ATP6V1E2: variants seen among roughly 807,000 people sequenced by gnomAD.
ATP6V1E2 encodes the protein V-type proton ATPase subunit E 2.
For synonymous variants in ATP6V1E2, 121 were observed against 104.2 expected, an observed-to-expected ratio of 1.16 and a Z score of -0.98; for missense variants, 308 against 273.3, an observed-to-expected ratio of 1.13 and a Z score of -0.90.
intron 2 of ATP6V1E2, among the ~76,000 whole-genome samples, chr2:46,540,912 G>A (rs1445820206): frequency 6.6e-6 from 1 of 152,158 alleles, no homozygotes; most frequent in East Asian, 1.9e-4. Flanking sequence ...TCCCCACTGG[G>A]AATGCTATGA....
At chr2:46,538,579 G>C (rs1558672112) in intron 2 of ATP6V1E2, among the ~76,000 whole-genome samples, 1 of 151,924 alleles carries the variant, frequency 6.6e-6, no homozygotes, top group Non-Finnish European at 1.5e-5. Context: ...ATGCAAATTA[G>C]TAACTCACAG....
intron 4 of ATP6V1E2, among the ~76,000 whole-genome samples, chr2:46,524,257 G>C (rs1388376121): frequency 6.6e-6 from 1 of 152,102 alleles, no homozygotes; most frequent in African/African-American, 2.4e-5. Context: ...ACCAGGTAGG[G>C]GATGGTTTGA....
At chr2:46,540,360 G>T (rs1209661174) in intron 2 of ATP6V1E2, among the ~76,000 whole-genome samples, 1 of 150,962 alleles carries the variant, frequency 6.6e-6, no homozygotes, top group Non-Finnish European at 1.5e-5. Context: ...GGCAGAGGTT[G>T]CAGTGAGCCA....
Position 46,511,907 on chromosome 2 carries a change from T to G in ATP6V1E2, c.*124A>C. ...ACACTTTAGCTATCCAAAGGGTATT[T>G]CGTGAAGAAAAACAGAACAGTATCA... On this transcript the variant is annotated 3_prime_UTR_variant, in exon 5 of 5. Coordinates refer to ENST00000522587, the MANE Select transcript of ATP6V1E2 (RefSeq NM_001318063.2). The G allele has an allele frequency of 1.2e-6, 1 of 848,606 alleles. No individual in the cohort carries two copies. Among genetic ancestry groups the G allele is most frequent in the Non-Finnish European group, 1.7e-6 (1 of 572,446 alleles). The allele number at this position is 848,606 out of a possible 1,614,324, so 52.6% of individuals were successfully genotyped here.
rs1044069599 is a variant in ATP6V1E2 at position 46,535,131 on chromosome 2, T to C, written c.-102+682A>G. The C allele has an allele frequency of 2.0e-5, 3 of 152,248 alleles. No homozygotes were observed. The highest frequency in any genetic ancestry group is 2.1e-4 in the South Asian group (1 of 4,834). 9.4% of individuals were successfully genotyped at this position (152,248 alleles called of 1,614,324 possible). A position where few individuals can be genotyped will look rare whatever the true frequency, so the allele number is the denominator to read the frequency against. On this transcript the variant is annotated intron_variant, in intron 4 of 4. Transcript: ENST00000522587. This position sits in a 1 kb window ranked among gnomAD's most constrained non-coding sequence, Gnocchi z 4.4. Reference sequence around the variant, plus strand: ...ATTTTTCAGCAGAAAGTTAGAGTGATAGGGTTTGCCCCATTTGTTCCCTAC... The same window carrying C: ...ATTTTTCAGCAGAAAGTTAGAGTGACAGGGTTTGCCCCATTTGTTCCCTAC...
intron 4 of ATP6V1E2, among the ~76,000 whole-genome samples, chr2:46,532,769 T>G (rs1485767713): frequency 6.6e-6 from 1 of 152,190 alleles, no homozygotes; most frequent in Non-Finnish European, 1.5e-5. Flanking sequence ...ATGCCAAATC[T>G]GCTGATTCCT....
At chr2:46,539,646 A>T (rs1467352899) in intron 2 of ATP6V1E2, among the ~76,000 whole-genome samples, 1 of 152,220 alleles carries the variant, frequency 6.6e-6, no homozygotes, top group Non-Finnish European at 1.5e-5. Flanking sequence ...TCCCAATTAA[A>T]TACAAACCAG....
At chr2:46,512,939 C>T in intron 4 of ATP6V1E2, 127 bp from the exon 5 acceptor site, 1 of 496,482 alleles carries the variant, frequency 2.0e-6, no homozygotes, top group Non-Finnish European at 3.6e-6. Flanking sequence ...CACAATTTAT[C>T]TAAGGTTATA....
At chr2:46,525,696 A>G (rs1381317715) in intron 4 of ATP6V1E2, among the ~76,000 whole-genome samples, 2 of 152,178 alleles carry the variant, frequency 1.3e-5, no homozygotes, top group African/African-American at 2.4e-5. Flanking sequence ...CTGGCAAAGC[A>G]GGCTTTGGTC....
chr2:46,516,788 G>A (rs1296136013), intron 4 of ATP6V1E2, among the ~76,000 whole-genome samples: 1 of 150,848 alleles, frequency 6.6e-6, no homozygotes, highest in African/African-American at 2.4e-5. Flanking sequence ...CAAGGAACTA[G>A]AATACTTGTT....
intron 4 of ATP6V1E2, among the ~76,000 whole-genome samples, chr2:46,528,593 A>T (rs975699596): frequency 1.3e-5 from 2 of 152,230 alleles, no homozygotes; most frequent in Non-Finnish European, 2.9e-5. Context: ...CCCCTGGAAC[A>T]GGAGGTCTCC....
At chr2:46,534,449 GTTTTA>G (rs1435212095) in intron 4 of ATP6V1E2, 2 of 151,878 alleles carry the variant, frequency 1.3e-5, no homozygotes, top group Admixed American at 6.6e-5. Context: ...TTAAATCCTT[GTTTTA>G]TTTTAATTTT....
chr2:46,518,666 T>C (rs1266755540), intron 4 of ATP6V1E2, among the ~76,000 whole-genome samples: 1 of 152,038 alleles, frequency 6.6e-6, no homozygotes, highest in Non-Finnish European at 1.5e-5. Context: ...GGCCATCCAC[T>C]CCTCATTACT....
At chr2:46,524,890 T>C (rs1182562223) in intron 4 of ATP6V1E2, among the ~76,000 whole-genome samples, 2 of 152,024 alleles carry the variant, frequency 1.3e-5, no homozygotes, top group African/African-American at 4.8e-5. Flanking sequence ...AATGTCTGCC[T>C]GAGAGTTGGG....
chr2:46,533,105 CATTAT>C (rs990101673), intron 4 of ATP6V1E2, among the ~76,000 whole-genome samples: 3 of 131,244 alleles, frequency 2.3e-5, no homozygotes, highest in Non-Finnish European at 5.0e-5. Context: ...ATATATCTAA[CATTAT>C]ATTATATATC....
At chr2:46,538,031 A>C (rs2103944455) in intron 2 of ATP6V1E2, among the ~76,000 whole-genome samples, 1 of 152,166 alleles carries the variant, frequency 6.6e-6, no homozygotes, top group South Asian at 2.1e-4. Flanking sequence ...TATCGTAAAA[A>C]CCTTGTTCTC....
chr2:46,515,549 G>A (rs1242384803), intron 4 of ATP6V1E2, among the ~76,000 whole-genome samples: 2 of 152,222 alleles, frequency 1.3e-5, no homozygotes, highest in African/African-American at 4.8e-5. Context: ...GCCACCAGGG[G>A]TTGGGGGCAG....
chr2:46,521,841 C>G (rs1411027924), intron 4 of ATP6V1E2, among the ~76,000 whole-genome samples: 1 of 152,092 alleles, frequency 6.6e-6, no homozygotes, highest in Non-Finnish European at 1.5e-5. Flanking sequence ...CAGGTGCATG[C>G]CACCACACCC....
At chr2:46,532,429 T>C (rs1234478518) in intron 4 of ATP6V1E2, among the ~76,000 whole-genome samples, 1 of 152,166 alleles carries the variant, frequency 6.6e-6, no homozygotes, top group Non-Finnish European at 1.5e-5. Flanking sequence ...TTATTTATAG[T>C]GATTGCTCTA....
Sources: gnomAD v4.1 joint callset for allele counts (sites outside exome capture counted in the v4.1 genomes callset) on GRCh38, gnomAD v4.1.1 for gene constraint, Gnocchi (gnomAD v3.1) non-coding constraint, MANE v1.5 for transcripts, NCBI Gene and HGNC (gene_info 2026-07-23, HGNC 2026-07-21) for gene names.